The following ZNF277 variants were observed in gnomAD, a reference collection of about 807,000 sequenced individuals.
The protein encoded by ZNF277 is nuclear receptor-interacting factor 4.
In ZNF277, 55 loss-of-function variants were observed where a neutral mutation model predicts 60.7. The observed-to-expected ratio is 0.91, with a 90% CI of 0.73 to 1.13. ZNF277 has a LOEUF of 1.13. Ranked by LOEUF, ZNF277 falls within the 50% of genes most tolerant of loss-of-function variation. ZNF277 has a pLI of 0.00. For missense variants in ZNF277, 510 were observed against 523.0 expected (o/e 0.98, Z 0.24); for synonymous variants, 178 against 179.3 (o/e 0.99, Z 0.06).
At chr7:112,215,774 C>T (rs1166335166) in intron 1 of ZNF277, among the ~76,000 whole-genome samples, 2 of 152,144 alleles carry the variant, frequency 1.3e-5, no homozygotes, top group African/African-American at 2.4e-5. Context: ...ATCACAGAGG[C>T]CCTGCCTTTA....
rs538901128 is a variant in ZNF277 at position 112,330,172 on chromosome 7, C to A, written c.757C>A (p.Pro253Thr). Residue 253 changes from proline (P) to threonine (T), a missense_variant, in exon 7 of 12, where the codon CCT becomes ACT. Physicochemically the swap from Pro to Thr is conservative, Grantham distance 38 (BLOSUM62 -1). Coordinates refer to ENST00000361822, the MANE Select transcript of ZNF277 (RefSeq NM_021994.3). The stretch of plus-strand genomic sequence containing the variant: ...GAAAAAACAGCATCGTAAGATTAAT[C>A]CTAAGAACAGAGAATATGACAGATT... ...MRKKQHRKIN[P>T]KNREYDRFYV... 1.2e-6 allele frequency: 2 copies of A among 1,612,956 alleles called. No individual in the cohort carries two copies. The highest frequency in any genetic ancestry group is 2.2e-5 in the South Asian group (2 of 91,028).
chr7:112,303,019 G>T (rs1792513788), intron 4 of ZNF277, among the ~76,000 whole-genome samples: 1 of 148,742 alleles, frequency 6.7e-6, no homozygotes, highest in Non-Finnish European at 1.5e-5. Flanking sequence ...CACAATCTTG[G>T]CTCACTGCAA....
At chr7:112,227,259 T>C (rs1441049024) in intron 1 of ZNF277, among the ~76,000 whole-genome samples, 1 of 152,224 alleles carries the variant, frequency 6.6e-6, no homozygotes, top group Admixed American at 6.5e-5. Context: ...TTCATATGCT[T>C]GCAGGCTGCG....
At chr7:112,252,342 T>C (rs567907436) in intron 1 of ZNF277, among the ~76,000 whole-genome samples, 1 of 152,270 alleles carries the variant, frequency 6.6e-6, no homozygotes, top group African/African-American at 2.4e-5. Flanking sequence ...TTTGTCACCA[T>C]AGAGCCCCGT....
At chr7:112,298,857 C>G (rs1333818386) in intron 4 of ZNF277, among the ~76,000 whole-genome samples, 1 of 152,202 alleles carries the variant, frequency 6.6e-6, no homozygotes, top group African/African-American at 2.4e-5. Flanking sequence ...GAGTTTCAAA[C>G]CAAACATTCC....
At chr7:112,336,335 AC>A (rs1457256236) in intron 8 of ZNF277, among the ~76,000 whole-genome samples, 164 bp downstream of exon 8, 14 of 152,326 alleles carry the variant, frequency 9.2e-5, no homozygotes, top group African/African-American at 3.4e-4. Context: ...ATTCAAAATA[AC>A]TTTGACATAA....
intron 1 of ZNF277, among the ~76,000 whole-genome samples, chr7:112,242,598 A>G (rs1319168812): frequency 6.6e-6 from 1 of 151,630 alleles, no homozygotes; most frequent in African/African-American, 2.4e-5. Context: ...ATACCTAGGA[A>G]TACATTTAAC....
chr7:112,277,077 A>AGTTTTTT (rs1791816203), intron 1 of ZNF277, among the ~76,000 whole-genome samples: 1 of 104,480 alleles, frequency 9.6e-6, no homozygotes, highest in African/African-American at 4.1e-5. Context: ...GAATCTGTTG[A>AGTTTTTT]TTTTTTTTTT....
At chr7:112,243,188 T>A (rs370369068) in intron 1 of ZNF277, among the ~76,000 whole-genome samples, 18 of 151,958 alleles carry the variant, frequency 1.2e-4, no homozygotes, top group East Asian at 9.6e-4. Flanking sequence ...TCAACATGGA[T>A]TAAAGACTTA....
intron 1 of ZNF277, among the ~76,000 whole-genome samples, chr7:112,264,028 C>T (rs1191774696): frequency 6.6e-6 from 1 of 151,982 alleles, no homozygotes; most frequent in Non-Finnish European, 1.5e-5. Flanking sequence ...ACAAAAACAG[C>T]GCCTTAGAAA....
At chr7:112,325,314 G>A (rs931407430) in intron 5 of ZNF277, among the ~76,000 whole-genome samples, 4 of 152,114 alleles carry the variant, frequency 2.6e-5, no homozygotes, top group African/African-American at 7.2e-5. Context: ...CAGAGCATGG[G>A]ACCAAGTGCA....
chr7:112,319,689 T>C (rs1563227713), intron 5 of ZNF277, among the ~76,000 whole-genome samples: 1 of 147,642 alleles, frequency 6.8e-6, no homozygotes, highest in African/African-American at 2.5e-5. Flanking sequence ...ATAAATTATA[T>C]AAATTTATAA....
At chr7:112,283,037 A>G (rs971138045) in intron 1 of ZNF277, among the ~76,000 whole-genome samples, 4 of 152,218 alleles carry the variant, frequency 2.6e-5, no homozygotes, top group African/African-American at 7.2e-5. Context: ...TTCAGTGTAC[A>G]TGCCAGGTAA....
intron 1 of ZNF277, among the ~76,000 whole-genome samples, chr7:112,285,066 T>A (rs1203009449): frequency 6.6e-6 from 1 of 152,158 alleles, no homozygotes; most frequent in African/African-American, 2.4e-5. Context: ...AGTCACGCTC[T>A]GTCACCAGGC....
At chr7:112,336,291 A>G (rs754133588) in intron 8 of ZNF277, 120 bp downstream of exon 8, 1 of 788,046 alleles carries the variant, frequency 1.3e-6, no homozygotes, top group South Asian at 2.6e-5. Context: ...TCTCTGAGCC[A>G]TGCATCCCTT....
rs367693707 is a variant in ZNF277 at position 112,287,938 on chromosome 7, A to G, written c.293+864A>G. On this transcript the variant is annotated intron_variant, in intron 2 of 11. Coordinates refer to ENST00000361822, the MANE Select transcript of ZNF277 (RefSeq NM_021994.3). ...AGTTCTCTAAAGAGATGAACTTTCC[A>G]AAGAGTAGATAATACTCACTTTGCA... 41 of 136,334 alleles carry G rather than the reference A, an allele frequency of 3.0e-4. No individual in the cohort carries two copies. The East Asian group carries it at 6.0e-3, about 20-fold the overall frequency. 8.4% of individuals were successfully genotyped at this position (136,334 alleles called of 1,614,324 possible). A position where few individuals can be genotyped will look rare whatever the true frequency, so the allele number is the denominator to read the frequency against.
At chr7:112,218,140 T>G (rs560304544) in intron 1 of ZNF277, among the ~76,000 whole-genome samples, 5 of 152,358 alleles carry the variant, frequency 3.3e-5, no homozygotes, top group Non-Finnish European at 5.9e-5. Context: ...TCAGTTCCCC[T>G]GTCTTGATAA....
intron 4 of ZNF277, among the ~76,000 whole-genome samples, chr7:112,302,018 G>A (rs1162630252): frequency 6.6e-6 from 1 of 152,052 alleles, no homozygotes; most frequent in Non-Finnish European, 1.5e-5. Flanking sequence ...TTTGTCTACA[G>A]GAGAAAATGT....
At chr7:112,316,480 A>G (rs779550264) in intron 4 of ZNF277, among the ~76,000 whole-genome samples, 1 of 152,030 alleles carries the variant, frequency 6.6e-6, no homozygotes, top group Non-Finnish European at 1.5e-5. Context: ...TCAGATGGAT[A>G]GATTGCAAAA....
Sources: gnomAD v4.1 joint callset for allele counts (sites outside exome capture counted in the v4.1 genomes callset) on GRCh38, gnomAD v4.1.1 for gene constraint, MANE v1.5 for transcripts, NCBI Gene and HGNC (gene_info 2026-07-23, HGNC 2026-07-21) for gene names.